The following OPRL1 variants were observed in gnomAD, a reference collection of about 807,000 sequenced individuals.
The protein encoded by OPRL1 is opioid related nociceptin receptor 1, also known as nociceptin receptor.
In OPRL1, 5 loss-of-function variants were observed where a neutral mutation model predicts 15.5. That is an observed-to-expected ratio of 0.32 (90% CI 0.17 to 0.68). The LOEUF (loss-of-function observed/expected upper bound fraction) is 0.68. Ranked by LOEUF, OPRL1 falls within the 30% of genes least tolerant of loss-of-function variation. OPRL1 has a pLI of 0.72. For synonymous variants in OPRL1, 223 were observed against 230.2 expected, an observed-to-expected ratio of 0.97 and a Z score of 0.28; for missense variants, 406 against 515.3, an observed-to-expected ratio of 0.79 and a Z score of 2.05.
At chr20:64,095,251 A>G (rs1181108709) in intron 3 of OPRL1, among the ~76,000 whole-genome samples, 1 of 48,784 alleles carries the variant, frequency 2.0e-5, no homozygotes, top group East Asian at 7.5e-4. Context: ...GGGGGATAGC[A>G]TCGGGGGGAT....
At chr20:64,088,462 T>C (rs953615474) in intron 1 of OPRL1, among the ~76,000 whole-genome samples, 5 of 148,350 alleles carry the variant, frequency 3.4e-5, no homozygotes. Context: ...ACAGGACCCG[T>C]CCAGGGAGGG....
In OPRL1 at chr20:64,097,931, G is replaced by A. The variant is rs145759308; in HGVS notation, c.363G>A (p.Ala121=). 6.3e-4 allele frequency: 1,013 copies of A among 1,613,684 alleles called. 5 individuals are homozygous for A. Among genetic ancestry groups the A allele is most frequent in the South Asian group, 3.8e-3 (350 of 91,084 alleles). Residue 121 remains alanine, a synonymous_variant, in exon 4 of 5, where the codon GCG becomes GCA. Transcript: ENST00000336866. This position sits in a 1 kb window ranked among gnomAD's most constrained non-coding sequence, Gnocchi z 4.2. ...TGGGCTTCTGGCCGTTTGGGAATGC[G>A]CTGTGCAAGACAGTCATTGCCATTG... ...ILLGFWPFGN[A]LCKTVIAIDY... is the part of the protein sequence containing the mutation.
intron 3 of OPRL1, among the ~76,000 whole-genome samples, chr20:64,094,704 C>A (rs118117556): frequency 0.16 from 218 of 1,380 alleles, 18 homozygotes; most frequent in Non-Finnish European, 0.18. Context: ...AGAGGAATAG[C>A]AGGGGGATAG....
chr20:64,085,773 G>A (rs2060041606), intron 1 of OPRL1, among the ~76,000 whole-genome samples: 1 of 152,210 alleles, frequency 6.6e-6, no homozygotes. Context: ...TGAGGAGCAG[G>A]GTCTTAGCTG....
intron 1 of OPRL1, among the ~76,000 whole-genome samples, chr20:64,088,428 G>A (rs1175917438): frequency 5.3e-5 from 8 of 151,030 alleles, no homozygotes; most frequent in African/African-American, 1.7e-4. Context: ...TTGGGAGTCA[G>A]TGTCTGTTCA....
At chr20:64,080,988 C>G (rs1221386877) in intron 1 of OPRL1, among the ~76,000 whole-genome samples, 1 of 152,024 alleles carries the variant, frequency 6.6e-6, no homozygotes, top group Non-Finnish European at 1.5e-5. Context: ...GTGGGCCAGG[C>G]AGTAGGACCA....
At chr20:64,081,711 A>G (rs983124809) in intron 1 of OPRL1, among the ~76,000 whole-genome samples, 1 of 152,100 alleles carries the variant, frequency 6.6e-6, no homozygotes, top group African/African-American at 2.4e-5. Context: ...CTTCCTTCCC[A>G]TAGAGCTTTC....
At position 64,083,694 on chromosome 20, in the gene OPRL1, G is replaced by C; in HGVS notation, c.-185+3342G>C. The C allele has an allele frequency of 2.1e-6, 3 of 1,407,132 alleles. No individual in the cohort carries two copies. Among genetic ancestry groups the C allele is most frequent in the Non-Finnish European group, 2.8e-6 (3 of 1,088,920 alleles). The allele number at this position is 1,407,132 out of a possible 1,614,324, so 87.2% of individuals were successfully genotyped here. ...ACTTCTGCCGCTGGATGAGCAGCGC[G>C]ATCTCCTCGGCCTGCGGGGCCCGGG... On this transcript the variant is annotated intron_variant, in intron 1 of 4. Transcript: ENST00000336866. The surrounding 1 kb of genome is among the most constrained non-coding windows in gnomAD (Gnocchi z 4.9).
chr20:64,086,269 T>C (rs1045088883), intron 1 of OPRL1, among the ~76,000 whole-genome samples: 1 of 152,218 alleles, frequency 6.6e-6, no homozygotes, highest in East Asian at 1.9e-4. Context: ...AATATTCTTC[T>C]GTTCTGCAAG....
chr20:64,098,824 C>T lies in OPRL1; in HGVS notation c.*25C>T. The T allele has an allele frequency of 6.4e-7, 1 of 1,564,674 alleles. No individual in the cohort carries two copies. The highest frequency in any genetic ancestry group is 8.6e-7 in the Non-Finnish European group (1 of 1,161,310). On this transcript the variant is annotated 3_prime_UTR_variant, in exon 5 of 5. Transcript: ENST00000336866. ...ACTAGGCGTGGACCTGCCCATGGTG[C>T]CTGTCAGCCCGCAGAGCCCATCTAC...
At chr20:64,080,858 A>G (rs1361791679) in intron 1 of OPRL1, among the ~76,000 whole-genome samples, 3 of 152,172 alleles carry the variant, frequency 2.0e-5, no homozygotes, top group Non-Finnish European at 4.4e-5. Context: ...AATGCCTTCC[A>G]GTTGCACAGG....
intron 1 of OPRL1, among the ~76,000 whole-genome samples, chr20:64,088,869 C>CTGGGGGTTTGCCGCAGGCACA (rs2060090099): frequency 7.2e-6 from 1 of 139,208 alleles, no homozygotes; most frequent in South Asian, 2.3e-4. Context: ...AGGGTCTGTG[C>CTGGGGGTTTGCCGCAGGCACA]AGAGTGGCCA....
At chr20:64,088,631 C>A (rs367842125) in intron 1 of OPRL1, among the ~76,000 whole-genome samples, 12 of 145,044 alleles carry the variant, frequency 8.3e-5, no homozygotes, top group South Asian at 2.2e-4. Flanking sequence ...AGGATCTGTG[C>A]AGAGTGGCCA....
intron 1 of OPRL1, chr20:64,084,193 C>A (rs1490562171): frequency 6.9e-7 from 1 of 1,442,336 alleles, no homozygotes; most frequent in Non-Finnish European, 9.0e-7. Flanking sequence ...GGCCCTTGCG[C>A]CCGCCCTCCT....
At chr20:64,082,900 G>T (rs2059983756) in intron 1 of OPRL1, among the ~76,000 whole-genome samples, 1 of 152,066 alleles carries the variant, frequency 6.6e-6, no homozygotes, top group Admixed American at 6.5e-5. Context: ...AGGCCAGAGG[G>T]TGGGATTTTT....
At chr20:64,096,882 T>C (rs1234135085) in intron 3 of OPRL1, among the ~76,000 whole-genome samples, 446 of 11,062 alleles carry the variant, frequency 0.04, no homozygotes, top group Middle Eastern at 0.18. Context: ...CCACCATCAT[T>C]ACCATCATCA....
intron 1 of OPRL1, chr20:64,084,225 C>A: frequency 1.4e-6 from 2 of 1,389,132 alleles, no homozygotes; most frequent in South Asian, 3.2e-5. Flanking sequence ...GGCATCCTCC[C>A]GCCCTGCGGA....
chr20:64,087,650 C>T (rs186260715), intron 1 of OPRL1, among the ~76,000 whole-genome samples: 4 of 151,822 alleles, frequency 2.6e-5, no homozygotes, highest in Admixed American at 2.0e-4. Flanking sequence ...CTGTCATTCG[C>T]GTGTCATCGT....
intron 1 of OPRL1, among the ~76,000 whole-genome samples, chr20:64,088,671 C>A (rs2060082021): frequency 1.3e-5 from 2 of 151,106 alleles, no homozygotes; most frequent in African/African-American, 2.4e-5. Context: ...AGGATCTGTG[C>A]AGAGTGGCCA....
Sources: allele counts gnomAD v4.1 joint callset (sites outside exome capture counted in the v4.1 genomes callset), GRCh38; gene constraint gnomAD v4.1.1; non-coding constraint Gnocchi (gnomAD v3.1); transcripts MANE v1.5; gene names NCBI Gene and HGNC (gene_info 2026-07-23, HGNC 2026-07-21).